Variants in KIFC3 observed in about 807,000 individuals in gnomAD.
KIFC3 encodes kinesin family member C3, also known as kinesin-like protein KIFC3.
Under a neutral mutation model 101.8 loss-of-function variants are expected in KIFC3, and 60 were observed. The ratio of observed to expected loss-of-function variants is 0.59; its 90% CI spans 0.48 to 0.73. The LOEUF (loss-of-function observed/expected upper bound fraction) is 0.73, where lower values mean the gene tolerates loss of function less well. Ranked by LOEUF, KIFC3 falls within the 30% of genes least tolerant of loss-of-function variation. The pLI, the probability that KIFC3 is intolerant of heterozygous loss-of-function variation, is 0.00. For missense variants in KIFC3, 966 were observed against 1,137.1 expected (o/e 0.85, Z 2.16); for synonymous variants, 476 against 482.7 (o/e 0.99, Z 0.18).
At chr16:57,805,812 A>G (rs1598180184), upstream of KIFC3, among the ~76,000 whole-genome samples, 1 of 151,526 alleles carries the variant, frequency 6.6e-6, no homozygotes, top group African/African-American at 2.4e-5. Context: ...AGTGGCTGGG[A>G]TTACAGGCAT....
chr16:57,837,554 G>GAAGGAAGGAAGGAAGAAAGAAAGAAAGA (rs71152302), intron 1 of KIFC3, among the ~76,000 whole-genome samples: 96 of 100,014 alleles, frequency 9.6e-4, no homozygotes, highest in African/African-American at 1.6e-3. Context: ...AGGAAGGAAG[G>GAAGGAAGGAAGGAAGAAAGAAAGAAAGA]AAGAAAGAAA....
intron 1 of KIFC3, among the ~76,000 whole-genome samples, chr16:57,843,910 C>G (rs554966027): frequency 2.2e-4 from 34 of 151,784 alleles, no homozygotes; most frequent in African/African-American, 8.0e-4. Context: ...GAGTTCCAGA[C>G]CAGCCTGGCC....
In KIFC3 at chr16:57,849,353, G is replaced by A. The variant is rs375392911; in HGVS notation, c.108+13376C>T. On this transcript the variant is annotated intron_variant, in intron 1 of 2. Transcript: ENST00000563028. ...AAATTACCTTGTAGATAATGACAAT[G>A]CAAACTTAACACACATCAGATCGAT... 2.8e-4 allele frequency among the ~76,000 whole-genome samples: 42 copies of A among 152,272 alleles called. 1 individual carries two copies. In the South Asian group the frequency reaches 7.2e-3, roughly 26 times the overall value.
chr16:57,806,328 C>T (rs1367156061), upstream of KIFC3, among the ~76,000 whole-genome samples: 1 of 152,162 alleles, frequency 6.6e-6, no homozygotes, highest in Admixed American at 6.5e-5. Flanking sequence ...TCATCTGCCT[C>T]CACTAACCCT....
intron 2 of KIFC3, among the ~76,000 whole-genome samples, chr16:57,795,892 T>G (rs1387765937): frequency 2.9e-4 from 38 of 130,374 alleles, no homozygotes; most frequent in Non-Finnish European, 4.8e-4. Flanking sequence ...TTGTTTTTTT[T>G]TTTTTTTTTT....
intron 3 of KIFC3, chr16:57,788,842 G>C: frequency 1.3e-6 from 1 of 795,204 alleles, no homozygotes; most frequent in Non-Finnish European, 1.7e-6. Context: ...CCCTCCCTTT[G>C]TGGGTGGGTG....
intron 3 of KIFC3, among the ~76,000 whole-genome samples, chr16:57,778,982 G>A (rs1366281044): frequency 1.2e-4 from 19 of 152,182 alleles, no homozygotes; most frequent in Admixed American, 1.2e-3. Flanking sequence ...ACTGTTAGTG[G>A]GAATGTAAAA....
chr16:57,860,035 A>AATAAAATAAT (rs1195855685), intron 1 of KIFC3, among the ~76,000 whole-genome samples: 2,098 of 100,034 alleles, frequency 0.021, 52 homozygotes, highest in Middle Eastern at 0.087. Flanking sequence ...AATAAAATAA[A>AATAAAATAAT]ATAAAATAAA....
intron 3 of KIFC3, 75 bp downstream of exon 3, chr16:57,794,924 G>A: frequency 7.2e-7 from 1 of 1,389,620 alleles, no homozygotes; most frequent in South Asian, 1.5e-5. Flanking sequence ...CCTACCCCCA[G>A]AAGCCTGGCA....
chr16:57,769,305 G>A lies in KIFC3; in HGVS notation c.1218+290C>T, dbSNP rs71387194. 0.073 allele frequency among the ~76,000 whole-genome samples: 11,103 copies of A among 152,158 alleles called. 459 individuals are homozygous for A. Among genetic ancestry groups the A allele is most frequent in the South Asian group, 0.12 (591 of 4,802 alleles). ...CCTGCCTCGGCCTCCCAAAGTGTTGGAATTACAGGTGTGAGCCACCGCGCC... is the reference window on the plus strand; with the variant it reads ...CCTGCCTCGGCCTCCCAAAGTGTTGAAATTACAGGTGTGAGCCACCGCGCC... On this transcript the variant is annotated intron_variant, in intron 9 of 19. Transcript: ENST00000445690. The surrounding 1 kb of genome is among the most constrained non-coding windows in gnomAD (Gnocchi z 4.3).
At chr16:57,771,805 G>A in intron 4 of KIFC3, 119 bp from the exon 5 acceptor site, 2 of 1,245,786 alleles carry the variant, frequency 1.6e-6, no homozygotes, top group Non-Finnish European at 2.2e-6. Context: ...GAGAAAGGCA[G>A]AGGGAAGGAG....
At chr16:57,776,034 GGCCA>G (rs2052025638) in intron 3 of KIFC3, 2 of 985,336 alleles carry the variant, frequency 2.0e-6, no homozygotes, top group East Asian at 1.1e-4. Flanking sequence ...CCAAGGGTGG[GGCCA>G]GCCAGCCCAG....
At position 57,813,815 on chromosome 16, in the gene KIFC3, G is replaced by A. The variant is rs534087869; in HGVS notation, c.109-15533C>T. 1.2e-5 allele frequency: 12 copies of A among 985,456 alleles called. No individual in the cohort carries two copies. In the East Asian group the frequency reaches 1.4e-3, roughly 112 times the overall value. 61.0% of individuals were successfully genotyped at this position (985,456 alleles called of 1,614,324 possible). A position where few individuals can be genotyped will look rare whatever the true frequency, so the allele number is the denominator to read the frequency against. ...TCGGGAGACTCAAGGCATCTCCAGA[G>A]TCACAGCCTGAAGACAGAACCCCAT... On this transcript the variant is annotated intron_variant, in intron 1 of 2. Coordinates refer to the KIFC3 transcript ENST00000563028.
At chr16:57,820,943 A>G (rs1382829403) in intron 1 of KIFC3, among the ~76,000 whole-genome samples, 1 of 152,112 alleles carries the variant, frequency 6.6e-6, no homozygotes, top group Non-Finnish European at 1.5e-5. Context: ...CAACACAGCA[A>G]GACTCTGCAT....
At chr16:57,782,693 C>T (rs1227994721) in intron 3 of KIFC3, among the ~76,000 whole-genome samples, 3 of 152,218 alleles carry the variant, frequency 2.0e-5, no homozygotes, top group Non-Finnish European at 4.4e-5. Flanking sequence ...CCTGTAATCC[C>T]AGCACCTTGG....
At chr16:57,791,822 GTTTC>G (rs1555620459) in intron 3 of KIFC3, among the ~76,000 whole-genome samples, 1 of 152,186 alleles carries the variant, frequency 6.6e-6, no homozygotes, top group African/African-American at 2.4e-5. Flanking sequence ...GGGTCCTCAG[GTTTC>G]TTTAACTGTT....
upstream of KIFC3, among the ~76,000 whole-genome samples, chr16:57,807,112 G>A (rs1555627095): frequency 6.6e-6 from 1 of 152,106 alleles, no homozygotes; most frequent in Admixed American, 6.6e-5. Flanking sequence ...AGCTACTTAG[G>A]AGGCTGAGGC....
chr16:57,822,532 A>G (rs781962910), intron 1 of KIFC3, among the ~76,000 whole-genome samples: 3 of 152,038 alleles, frequency 2.0e-5, no homozygotes, highest in Non-Finnish European at 2.9e-5. Context: ...CCCCGTCCCT[A>G]CTGAAAATAC....
In KIFC3 at chr16:57,798,167, G is replaced by C. The variant is rs782007680; in HGVS notation, c.77C>G (p.Pro26Arg). The C allele has an allele frequency of 9.7e-6, 15 of 1,539,756 alleles. No homozygotes were observed. The highest frequency in any genetic ancestry group is 2.7e-5 in the African/African-American group (2 of 72,832). The change falls in exon 2 of 20, where the codon CCG (proline) becomes CGG (arginine). Residue 26 changes from proline to arginine, a missense_variant. Around this residue, in one of 2 missense-constraint regions of KIFC3, gnomAD observed 277 missense variants for 252.5 expected, o/e 1.10. Transcript: ENST00000445690. ...GCGAGCCATCCCCGGCTCGGGCTCC[G>C]GGGCCCGGCCCACTCTCCACAGGCC... ...LRGLWRVGRA[P>R]EPEPGMARPA... is the part of the protein sequence containing the mutation.
Sources: gnomAD v4.1 joint callset for allele counts (sites outside exome capture counted in the v4.1 genomes callset) on GRCh38, gnomAD v4.1.1 for gene constraint, gnomAD v4.1.1 regional missense constraint, Gnocchi (gnomAD v3.1) non-coding constraint, MANE v1.5 for transcripts, NCBI Gene and HGNC (gene_info 2026-07-23, HGNC 2026-07-21) for gene names.